Variants in CACNB2 observed in about 807,000 individuals in gnomAD.
CACNB2 encodes the protein calcium voltage-gated channel auxiliary subunit beta 2.
In CACNB2, 42 loss-of-function variants were observed where a neutral mutation model predicts 73.3. The ratio of observed to expected loss-of-function variants is 0.57; its 90% confidence interval spans 0.45 to 0.74. CACNB2 has a LOEUF of 0.74. Ranked by LOEUF, CACNB2 falls within the 30% of genes least tolerant of loss-of-function variation. CACNB2 has a pLI of 0.00. For missense variants in CACNB2, 940 were observed against 853.0 expected, an observed-to-expected ratio of 1.10 and a Z score of -1.27; for synonymous variants, 348 against 310.3, an observed-to-expected ratio of 1.12 and a Z score of -1.28.
chr10:18,352,614 T>A (rs570565489), intron 2 of CACNB2, among the ~76,000 whole-genome samples: 84 of 152,350 alleles, frequency 5.5e-4, no homozygotes, highest in African/African-American at 1.8e-3. Context: ...ATTAATTAGA[T>A]GTCATTTTTC....
At chr10:18,205,357 C>T (rs1298106241) in intron 2 of CACNB2, among the ~76,000 whole-genome samples, 7 of 152,128 alleles carry the variant, frequency 4.6e-5, no homozygotes, top group Non-Finnish European at 7.4e-5. Context: ...AAGTACTAAG[C>T]GCAGCAATTA....
chr10:18,196,615 C>T (rs1255947026), intron 2 of CACNB2, among the ~76,000 whole-genome samples: 3 of 152,142 alleles, frequency 2.0e-5, no homozygotes, highest in Non-Finnish European at 4.4e-5. Flanking sequence ...ACTGCACTGG[C>T]CAAAGAAACA....
In CACNB2 at chr10:18,514,255, T is replaced by G; in HGVS notation, c.690T>G (p.Thr230=). The G allele has an allele frequency of 6.2e-7, 1 of 1,614,170 alleles. No individual in the cohort carries two copies. Among genetic ancestry groups the G allele is most frequent in the Non-Finnish European group, 8.5e-7 (1 of 1,180,004 alleles). The change falls in exon 7 of 14, where the codon ACT becomes ACG. Residue 230 remains threonine, a synonymous_variant. Transcript: ENST00000324631. ...ATATAGCTATAGACATAGATGCTACTGGCTTAGATGCAGAAGAAAATGATA... is the reference window on the plus strand; with the variant it reads ...ATATAGCTATAGACATAGATGCTACGGGCTTAGATGCAGAAGAAAATGATA... ...PPSSAIDIDA[T]GLDAEENDIP... is the part of the protein sequence containing the mutation.
chr10:18,186,739 C>A (rs1364518678), intron 2 of CACNB2, among the ~76,000 whole-genome samples: 1 of 152,168 alleles, frequency 6.6e-6, no homozygotes, highest in African/African-American at 2.4e-5. Flanking sequence ...GAGAAATCCA[C>A]CCCCATGATC....
chr10:18,340,696 G>A (rs1400683928), intron 2 of CACNB2: 5 of 1,412,834 alleles, frequency 3.5e-6, no homozygotes, highest in African/African-American at 1.4e-5. Context: ...ACTTTGATGA[G>A]CTCCTCTGCT....
chr10:18,524,494 A>G (rs762800595), intron 9 of CACNB2, among the ~76,000 whole-genome samples: 1 of 151,596 alleles, frequency 6.6e-6, no homozygotes, highest in Admixed American at 6.6e-5. Flanking sequence ...GTTTCTACTA[A>G]AAGTACAAAA....
chr10:18,181,346 T>A (rs2033869343), intron 2 of CACNB2, among the ~76,000 whole-genome samples: 1 of 152,086 alleles, frequency 6.6e-6, no homozygotes, highest in Non-Finnish European at 1.5e-5. Context: ...TTTCTTCCCA[T>A]TGACTTAAGT....
In CACNB2 at chr10:18,187,788, G is replaced by A. The variant is rs771726765; in HGVS notation, c.213+36813G>A. On this transcript the variant is annotated intron_variant, in intron 2 of 13. Transcript: ENST00000324631. ...TTTAAGAGTGTTTTCGATATGACAC[G>A]CTCAGAGTCAAATGACTTTATAAAG... is the stretch of plus-strand genomic sequence containing the variant. Among the ~76,000 whole-genome samples, 13 of 152,248 alleles carry A rather than the reference G, an allele frequency of 8.5e-5. No individual in the cohort carries two copies. In the South Asian group the frequency reaches 1.7e-3, roughly 19 times the overall value.
chr10:18,451,956 C>T (rs1364652404), intron 3 of CACNB2, among the ~76,000 whole-genome samples: 3 of 152,140 alleles, frequency 2.0e-5, no homozygotes, highest in Non-Finnish European at 4.4e-5. Context: ...TGTATAAATT[C>T]AGGTTGCCAA....
intron 2 of CACNB2, among the ~76,000 whole-genome samples, chr10:18,166,517 C>T (rs1369036001): frequency 6.6e-6 from 1 of 152,224 alleles, no homozygotes; most frequent in Non-Finnish European, 1.5e-5. Context: ...TGAGCCACCG[C>T]ACCTGGCCAA....
chr10:18,196,961 C>T (rs1036880427), intron 2 of CACNB2, among the ~76,000 whole-genome samples: 2 of 151,966 alleles, frequency 1.3e-5, no homozygotes, highest in African/African-American at 4.8e-5. Context: ...CCCTGTTGGG[C>T]TTCTTTCTCC....
intron 3 of CACNB2, among the ~76,000 whole-genome samples, chr10:18,436,008 T>G (rs1468280963): frequency 6.6e-6 from 1 of 152,218 alleles, no homozygotes; most frequent in African/African-American, 2.4e-5. Context: ...TGACTTTAAG[T>G]ACTCTAAAAT....
chr10:18,282,063 TGGAAGATGTACCAAAACCTTCCA>T, intron 2 of CACNB2, among the ~76,000 whole-genome samples: 1 of 143,542 alleles, frequency 7.0e-6, no homozygotes, highest in African/African-American at 3.0e-5. Context: ...CAGGGCCCCC[TGGAAGATGTACCAAAACCTTCCA>T]GAATTGTCCA....
intron 2 of CACNB2, among the ~76,000 whole-genome samples, chr10:18,300,304 G>T (rs1172868719): frequency 1.3e-5 from 2 of 152,178 alleles, no homozygotes; most frequent in Non-Finnish European, 2.9e-5. Flanking sequence ...TTATAGGCGT[G>T]AGCCACCACG....
At chr10:18,278,036 C>G (rs2038374401) in intron 2 of CACNB2, among the ~76,000 whole-genome samples, 1 of 152,104 alleles carries the variant, frequency 6.6e-6, no homozygotes, top group South Asian at 2.1e-4. Flanking sequence ...ATTTTTCAGG[C>G]TAATGGATAA....
chr10:18,202,753 G>A (rs1000817887), intron 2 of CACNB2, among the ~76,000 whole-genome samples: 10 of 152,334 alleles, frequency 6.6e-5, no homozygotes, highest in Admixed American at 5.2e-4. Flanking sequence ...TGTTGTGGCT[G>A]TGGAGTAAGA....
intron 2 of CACNB2, among the ~76,000 whole-genome samples, chr10:18,382,592 G>A (rs563374873): frequency 5.9e-5 from 9 of 152,078 alleles, no homozygotes; most frequent in South Asian, 4.2e-4. Context: ...CCCTGTGTCC[G>A]TGTGTTCTCA....
At chr10:18,332,264 GA>G (rs2040835070) in intron 2 of CACNB2, among the ~76,000 whole-genome samples, 1 of 152,182 alleles carries the variant, frequency 6.6e-6, no homozygotes, top group Admixed American at 6.5e-5. Context: ...TTGCTAAAGG[GA>G]GTGGTGGTGA....
intron 2 of CACNB2, among the ~76,000 whole-genome samples, chr10:18,333,292 C>T (rs776776350): frequency 2.0e-5 from 3 of 152,036 alleles, no homozygotes; most frequent in East Asian, 1.9e-4. Flanking sequence ...GAATTGCAGG[C>T]GGGATTGATC....
Sources: allele counts gnomAD v4.1 joint callset (sites outside exome capture counted in the v4.1 genomes callset), GRCh38; gene constraint gnomAD v4.1.1; transcripts MANE v1.5; gene names NCBI Gene and HGNC (gene_info 2026-07-23, HGNC 2026-07-21).